The following ATP9B variants were observed in gnomAD, a reference collection of about 807,000 sequenced individuals.
The protein encoded by ATP9B is ATPase phospholipid transporting 9B, also known as probable phospholipid-transporting ATPase IIB.
Under a neutral mutation model 146.1 loss-of-function variants are expected in ATP9B, and 110 were observed. The ratio of observed to expected loss-of-function variants is 0.75; its 90% CI spans 0.65 to 0.88. The LOEUF (loss-of-function observed/expected upper bound fraction) is 0.88, where lower values mean the gene tolerates loss of function less well. ATP9B is among the 40% of genes least tolerant of loss of function. The pLI is 0.00. For synonymous variants in ATP9B, 604 were observed against 569.7 expected, an observed-to-expected ratio of 1.06 and a Z score of -0.86; for missense variants, 1,499 against 1,496.4, an observed-to-expected ratio of 1.00 and a Z score of -0.03.
chr18:79,143,963 T>G (rs1416421263), intron 6 of ATP9B, 103 bp downstream of exon 6: 4 of 653,612 alleles, frequency 6.1e-6, no homozygotes, highest in African/African-American at 3.7e-5. Context: ...AGACATGTAT[T>G]TTGAATCATA....
chr18:79,247,853 A>T (rs892868458), intron 11 of ATP9B, among the ~76,000 whole-genome samples: 2 of 152,244 alleles, frequency 1.3e-5, no homozygotes, highest in African/African-American at 4.8e-5. Flanking sequence ...AATTCTGAGT[A>T]TAGAATAGGC....
chr18:79,161,577 G>A (rs79415873), intron 7 of ATP9B, among the ~76,000 whole-genome samples: 5,265 of 152,184 alleles, frequency 0.035, 247 homozygotes, highest in East Asian at 0.11. Context: ...GGCTGGGCAC[G>A]GTGGCTCACG....
intron 15 of ATP9B, among the ~76,000 whole-genome samples, chr18:79,326,878 CTG>C (rs2096750333): frequency 6.6e-6 from 1 of 151,570 alleles, no homozygotes; most frequent in Admixed American, 6.6e-5. Flanking sequence ...TGACTGTCCA[CTG>C]TGCTGACTGT....
intron 4 of ATP9B, among the ~76,000 whole-genome samples, chr18:79,122,744 T>A (rs2094211207): frequency 1.3e-5 from 2 of 152,188 alleles, no homozygotes; most frequent in Admixed American, 1.3e-4. Flanking sequence ...TTCTTTGTTT[T>A]TCTGTTGCTA....
intron 7 of ATP9B, among the ~76,000 whole-genome samples, chr18:79,160,745 GGTTT>G (rs1231151939): frequency 1.3e-5 from 2 of 151,340 alleles, no homozygotes; most frequent in Admixed American, 6.6e-5. Flanking sequence ...CAATTTTATG[GGTTT>G]GTTTGTGTTT....
chr18:79,349,295 A>G (rs368355583), intron 25 of ATP9B, among the ~76,000 whole-genome samples: 1 of 152,044 alleles, frequency 6.6e-6, no homozygotes, highest in Non-Finnish European at 1.5e-5. Context: ...CTCAGAAAAT[A>G]CTTGAATAGT....
At chr18:79,375,785 C>A in intron 29 of ATP9B, 1 of 985,426 alleles carries the variant, frequency 1.0e-6, no homozygotes, top group Non-Finnish European at 1.2e-6. Flanking sequence ...CTTAGGAATT[C>A]CCCTTCATAC....
In ATP9B at chr18:79,137,194, G is replaced by T. The variant is rs577637369; in HGVS notation, c.668-6608G>T. Among the ~76,000 whole-genome samples, 3 of 152,108 alleles carry T rather than the reference G, an allele frequency of 2.0e-5. No individual in the cohort carries two copies. The South Asian group carries it at 6.2e-4, about 32-fold the overall frequency. On this transcript the variant is annotated intron_variant, in intron 5 of 29. Coordinates refer to ENST00000426216, the MANE Select transcript of ATP9B (RefSeq NM_198531.5). ...TTCATGTCTCTCACTTTCTGGTCTG[G>T]GAATACAGTTTTCATAGCTGTTTTC...
At chr18:79,174,930 G>C (rs543039007) in intron 7 of ATP9B, among the ~76,000 whole-genome samples, 125 of 152,186 alleles carry the variant, frequency 8.2e-4, no homozygotes, top group Middle Eastern at 6.8e-3. Flanking sequence ...GCCAGGCGTG[G>C]TGGCTCACAC....
In ATP9B at chr18:79,069,418, A is replaced by G; in HGVS notation, c.8A>G (p.Asp3Gly). 27 of 1,517,722 alleles carry G rather than the reference A, an allele frequency of 1.8e-5. No homozygotes were observed. Among genetic ancestry groups the G allele is most frequent in the Non-Finnish European group, 2.3e-5 (26 of 1,135,716 alleles). 94.0% of individuals were successfully genotyped at this position (1,517,722 alleles called of 1,614,324 possible). A position where few individuals can be genotyped will look rare whatever the true frequency, so the allele number is the denominator to read the frequency against. Residue 3 changes from aspartate to glycine, a missense_variant, in exon 1 of 30, where the codon GAC becomes GGC. Coordinates refer to ENST00000426216, the MANE Select transcript of ATP9B (RefSeq NM_198531.5). MADQIPLYPVRSA... is the reference protein window; with the variant it reads MAGQIPLYPVRSA... ...GAAAGGGGCGGTCGGAACATGGCGGACCAGATCCCGCTTTACCCGGTGCGT... is the reference window on the plus strand; with the variant it reads ...GAAAGGGGCGGTCGGAACATGGCGGGCCAGATCCCGCTTTACCCGGTGCGT...
chr18:79,257,690 AG>A (rs1261945921), intron 12 of ATP9B, among the ~76,000 whole-genome samples: 3 of 152,244 alleles, frequency 2.0e-5, no homozygotes, highest in Admixed American at 2.0e-4. Flanking sequence ...AGTGCACTCC[AG>A]CTCAGCCTCC....
chr18:79,128,204 T>C (rs2094320336), intron 5 of ATP9B, among the ~76,000 whole-genome samples: 1 of 151,638 alleles, frequency 6.6e-6, no homozygotes, highest in South Asian at 2.1e-4. Context: ...GGATTACAGG[T>C]GCCTGCACTG....
intron 13 of ATP9B, among the ~76,000 whole-genome samples, chr18:79,282,031 A>G (rs1337838138): frequency 3.9e-5 from 6 of 152,210 alleles, no homozygotes; most frequent in African/African-American, 1.4e-4. Flanking sequence ...GAAGGTTTCA[A>G]GACCTCAGCG....
chr18:79,273,172 A>G (rs1599478788), intron 12 of ATP9B, among the ~76,000 whole-genome samples: 1 of 152,196 alleles, frequency 6.6e-6, no homozygotes, highest in Non-Finnish European at 1.5e-5. Flanking sequence ...GTTAACACCC[A>G]TTGTGTGTCT....
rs2071429975 is a variant in ATP9B, at chr18:79,069,462, G to C, written c.52G>C (p.Ala18Pro). 2.0e-6 allele frequency: 3 copies of C among 1,509,526 alleles called. No homozygotes were observed. The highest frequency in any genetic ancestry group is 2.1e-4 in the Middle Eastern group (1 of 4,660). The allele number at this position is 1,509,526 out of a possible 1,614,324, so 93.5% of individuals were successfully genotyped here. The change falls in exon 1 of 30, where the codon GCC (alanine) becomes CCC (proline). Residue 18 changes from alanine (A) to proline (P), a missense_variant. By Grantham distance (27) the Ala-to-Pro change is conservative (BLOSUM62 -1). Coordinates refer to ENST00000426216, the MANE Select transcript of ATP9B (RefSeq NM_198531.5). ...YPVRSAAAAA[A>P]NRKRAAYYSA... ...GGTGCGTAGCGCAGCGGCGGCCGCA[G>C]CCAACCGCAAACGCGCGGCCTACTA...
Position 79,126,312 on chromosome 18 carries a change from T to C in ATP9B, c.604T>C (p.Phe202Leu). Reference protein sequence around the residue: ...VTMTREAIDEFRRFQRDKEVN... With the variant: ...VTMTREAIDELRRFQRDKEVN... The stretch of plus-strand genomic sequence containing the variant: ...TATGACACGGGAAGCAATTGATGAA[T>C]TTCGGCGTTTTCAGCGTGACAAGGA... Residue 202 changes from phenylalanine to leucine, a missense_variant, in exon 5 of 30, where the codon TTT (phenylalanine) becomes CTT (leucine). By Grantham distance (22) the Phe-to-Leu change is conservative (BLOSUM62 0). Coordinates refer to ENST00000426216, the MANE Select transcript of ATP9B (RefSeq NM_198531.5). 6.2e-7 allele frequency: 1 copy of C among 1,612,228 alleles called. No individual in the cohort carries two copies. Among genetic ancestry groups the C allele is most frequent in the Non-Finnish European group, 8.5e-7 (1 of 1,178,702 alleles).
At chr18:79,331,006 C>T (rs2096787187) in intron 17 of ATP9B, among the ~76,000 whole-genome samples, 1 of 152,252 alleles carries the variant, frequency 6.6e-6, no homozygotes, top group South Asian at 2.1e-4. Flanking sequence ...TAAGCAATCC[C>T]ATATTTCATT....
chr18:79,313,550 T>G (rs927103414), intron 15 of ATP9B, among the ~76,000 whole-genome samples: 1 of 152,232 alleles, frequency 6.6e-6, no homozygotes, highest in Non-Finnish European at 1.5e-5. Flanking sequence ...AAAACTGTAT[T>G]TGAAGTTTTA....
At chr18:79,312,496 G>A (rs893949004) in intron 15 of ATP9B, among the ~76,000 whole-genome samples, 101 of 152,174 alleles carry the variant, frequency 6.6e-4, no homozygotes, top group Non-Finnish European at 1.4e-3. Context: ...CCATTGGCAC[G>A]CGGGACTCCC....
Sources: gnomAD v4.1 joint callset for allele counts (sites outside exome capture counted in the v4.1 genomes callset) on GRCh38, gnomAD v4.1.1 for gene constraint, MANE v1.5 for transcripts, NCBI Gene and HGNC (gene_info 2026-07-23, HGNC 2026-07-21) for gene names.